Variants in FILIP1 observed in about 807,000 individuals in gnomAD.
FILIP1 encodes filamin A interacting protein 1.
Under a neutral mutation model 102.1 loss-of-function variants are expected in FILIP1, and 61 were observed. The observed-to-expected ratio is 0.60, with a 90% CI of 0.49 to 0.74. The LOEUF (loss-of-function observed/expected upper bound fraction) is 0.74, where lower values mean the gene tolerates loss of function less well. Among genes scored for constraint, FILIP1 ranks in the 30% least tolerant of loss-of-function variants. The pLI, the probability that FILIP1 is intolerant of heterozygous loss-of-function variation, is 0.00. For synonymous variants in FILIP1, 491 were observed against 526.9 expected, an observed-to-expected ratio of 0.93 and a Z score of 0.93; for missense variants, 1,314 against 1,441.2, an observed-to-expected ratio of 0.91 and a Z score of 1.43.
At chr6:75,386,863 C>T (rs1194483828) in intron 2 of FILIP1, among the ~76,000 whole-genome samples, 4 of 152,126 alleles carry the variant, frequency 2.6e-5, no homozygotes, top group South Asian at 2.1e-4. Context: ...TTTTATTATA[C>T]TTTAAGTTCT....
chr6:75,298,243 A>G (rs1772738772), intron 6 of FILIP1, among the ~76,000 whole-genome samples: 1 of 152,242 alleles, frequency 6.6e-6, no homozygotes, highest in Non-Finnish European at 1.5e-5. Flanking sequence ...TAATCCATGC[A>G]TCCTATGTAT....
chr6:75,323,458 C>A (rs373367960), intron 4 of FILIP1, among the ~76,000 whole-genome samples: 3 of 151,992 alleles, frequency 2.0e-5, no homozygotes, highest in East Asian at 1.9e-4. Flanking sequence ...ATATTACTAG[C>A]GAGTGACTTA....
chr6:75,423,814 A>G (rs1777549754), intron 1 of FILIP1, among the ~76,000 whole-genome samples: 1 of 152,182 alleles, frequency 6.6e-6, no homozygotes, highest in Non-Finnish European at 1.5e-5. Context: ...TTCCACAACC[A>G]GCAGGATCCA....
chr6:75,427,398 C>T (rs2149703459), intron 1 of FILIP1, among the ~76,000 whole-genome samples: 1 of 152,222 alleles, frequency 6.6e-6, no homozygotes, highest in East Asian at 1.9e-4. Flanking sequence ...GACTTTCAGG[C>T]TATGCATGCA....
chr6:75,328,984 T>C (rs1156744828), intron 4 of FILIP1, among the ~76,000 whole-genome samples: 1 of 152,238 alleles, frequency 6.6e-6, no homozygotes, highest in Non-Finnish European at 1.5e-5. Flanking sequence ...CTTTTACTTT[T>C]CTTCCTTATT....
intron 1 of FILIP1, among the ~76,000 whole-genome samples, chr6:75,419,606 C>G (rs1467240046): frequency 6.6e-6 from 1 of 152,150 alleles, no homozygotes; most frequent in East Asian, 1.9e-4. Flanking sequence ...GCTTCCAGAA[C>G]ATTACCACAG....
chr6:75,405,587 T>C (rs1313436427), intron 2 of FILIP1, among the ~76,000 whole-genome samples: 1 of 152,228 alleles, frequency 6.6e-6, no homozygotes, highest in Non-Finnish European at 1.5e-5. Context: ...GCAAGGCAAG[T>C]TACTTCTATA....
chr6:75,339,463 A>G (rs192636772), intron 4 of FILIP1, among the ~76,000 whole-genome samples: 189 of 152,310 alleles, frequency 1.2e-3, no homozygotes, highest in African/African-American at 4.5e-3. Context: ...AAATAACACA[A>G]CAACTTCTGT....
exon 7 of FILIP1, chr6:75,292,755 C>A (rs1772573779): frequency 6.6e-6 from 1 of 152,126 alleles, no homozygotes; most frequent in Non-Finnish European, 1.5e-5. Context: ...TGTTGCTCAT[C>A]AGATTCATTA....
chr6:75,361,882 C>A (rs1775183689), intron 3 of FILIP1: 1 of 152,212 alleles, frequency 6.6e-6, no homozygotes, highest in South Asian at 2.1e-4. Flanking sequence ...CCAGTCTATT[C>A]TTGCTGCAGT....
intron 4 of FILIP1, among the ~76,000 whole-genome samples, chr6:75,325,112 T>G (rs1773794505): frequency 6.6e-6 from 1 of 152,156 alleles, no homozygotes; most frequent in South Asian, 2.1e-4. Flanking sequence ...AAAAAGCTTC[T>G]GTACAGCAAA....
intron 1 of FILIP1, among the ~76,000 whole-genome samples, chr6:75,451,614 C>T (rs1390028224): frequency 1.3e-4 from 19 of 151,224 alleles, no homozygotes; most frequent in Non-Finnish European, 1.5e-5. Context: ...TCTGATCACT[C>T]GAGGTCAAGA....
intron 2 of FILIP1, among the ~76,000 whole-genome samples, chr6:75,408,775 A>C (rs1776956306): frequency 6.6e-6 from 1 of 152,182 alleles, no homozygotes; most frequent in Non-Finnish European, 1.5e-5. Context: ...CTATCTCCCA[A>C]AACTATAAGC....
Position 75,362,936 on chromosome 6 carries a change from C to G in FILIP1, c.277-19G>C. 1 of 1,609,902 alleles carries G rather than the reference C, an allele frequency of 6.2e-7. No homozygotes were observed. The highest frequency in any genetic ancestry group is 8.5e-7 in the Non-Finnish European group (1 of 1,177,756). ...CTCTGGCCTGTAATAGAAAGTGCAG[C>G]AAGATCAGACGACTGACAATGTAAA... On this transcript the variant is annotated intron_variant, in intron 2 of 5. Coordinates refer to ENST00000237172, the MANE Select transcript of FILIP1 (RefSeq NM_015687.5).
At chr6:75,373,368 C>T (rs933590241) in intron 2 of FILIP1, among the ~76,000 whole-genome samples, 6 of 152,124 alleles carry the variant, frequency 3.9e-5, no homozygotes, top group Non-Finnish European at 8.8e-5. Context: ...GTGATAATTG[C>T]ACAACAAGGT....
intron 1 of FILIP1, among the ~76,000 whole-genome samples, chr6:75,457,632 C>CTCTCTCTG (rs1400220529): frequency 6.6e-6 from 1 of 152,080 alleles, no homozygotes; most frequent in African/African-American, 2.4e-5. Flanking sequence ...CTCTCTCTCT[C>CTCTCTCTG]TCTCTCTCTC....
chr6:75,330,887 C>T (rs760703747), intron 4 of FILIP1, among the ~76,000 whole-genome samples: 35 of 152,102 alleles, frequency 2.3e-4, no homozygotes, highest in Non-Finnish European at 3.7e-4. Flanking sequence ...GCATTATGGA[C>T]TCTCTGTGGG....
At chr6:75,326,876 C>A (rs1213765721) in intron 4 of FILIP1, among the ~76,000 whole-genome samples, 1 of 152,148 alleles carries the variant, frequency 6.6e-6, no homozygotes, top group African/African-American at 2.4e-5. Context: ...TGTCAAGATG[C>A]CCCTTGGACT....
chr6:75,403,678 G>C (rs1776739002), intron 2 of FILIP1, among the ~76,000 whole-genome samples: 1 of 152,088 alleles, frequency 6.6e-6, no homozygotes, highest in Non-Finnish European at 1.5e-5. Context: ...AAAATGTAGA[G>C]ACTGCCTGAT....
Sources: allele counts gnomAD v4.1 joint callset (sites outside exome capture counted in the v4.1 genomes callset), GRCh38; gene constraint gnomAD v4.1.1; transcripts MANE v1.5; gene names NCBI Gene and HGNC (gene_info 2026-07-23, HGNC 2026-07-21).